Variants in WDR27 observed in about 807,000 individuals in gnomAD.
WDR27 encodes the protein WD repeat domain 27, also known as WD repeat-containing protein 27.
WDR27 carries 100 observed loss-of-function variants against 114.4 expected under a neutral mutation model. The ratio of observed to expected loss-of-function variants is 0.87; its 90% CI spans 0.74 to 1.03. WDR27 has a LOEUF of 1.03. Ranked by LOEUF, WDR27 falls within the 50% of genes least tolerant of loss-of-function variation. The pLI is 0.00. For synonymous variants in WDR27, 449 were observed against 423.1 expected, an observed-to-expected ratio of 1.06 and a Z score of -0.75; for missense variants, 1,129 against 1,092.9, an observed-to-expected ratio of 1.03 and a Z score of -0.47.
intron 25 of WDR27, among the ~76,000 whole-genome samples, chr6:169,509,831 C>T (rs1412637737): frequency 6.6e-6 from 1 of 152,120 alleles, no homozygotes; most frequent in South Asian, 2.1e-4. Flanking sequence ...ACCACCATCA[C>T]AGTGAACAGG....
Position 169,678,262 on chromosome 6 carries a change from A to T in WDR27, c.190-5866T>A, listed in dbSNP as rs571434732. On this transcript the variant is annotated intron_variant, in intron 2 of 25. Transcript: ENST00000448612. Reference sequence around the variant, plus strand: ...AAAGCCACAGGGACAGAGCTGCCCCAGGCCTTGGGAGTCCACCCCTTGTAC... The same window carrying T: ...AAAGCCACAGGGACAGAGCTGCCCCTGGCCTTGGGAGTCCACCCCTTGTAC... 9.8e-5 allele frequency among the ~76,000 whole-genome samples: 15 copies of T among 152,342 alleles called. 1 individual carries two copies. In the South Asian group the frequency reaches 2.9e-3, roughly 29 times the overall value.
chr6:169,639,557 T>C (rs1047052204), intron 17 of WDR27, among the ~76,000 whole-genome samples: 1 of 152,170 alleles, frequency 6.6e-6, no homozygotes, highest in African/African-American at 2.4e-5. Flanking sequence ...AAACTCACAA[T>C]GGCTGCTTGG....
At chr6:169,543,551 A>G (rs1052680521) in intron 25 of WDR27, among the ~76,000 whole-genome samples, 1 of 152,176 alleles carries the variant, frequency 6.6e-6, no homozygotes, top group African/African-American at 2.4e-5. Flanking sequence ...AACATAACTT[A>G]TTTTATAAGG....
chr6:169,521,225 T>C (rs1316870062), intron 25 of WDR27, among the ~76,000 whole-genome samples: 2 of 151,586 alleles, frequency 1.3e-5, no homozygotes, highest in African/African-American at 2.4e-5. Context: ...CAGGAGTGAG[T>C]AGGATGACAT....
intron 25 of WDR27, among the ~76,000 whole-genome samples, chr6:169,494,222 G>A (rs569509319): frequency 9.9e-5 from 15 of 152,204 alleles, no homozygotes; most frequent in Middle Eastern, 3.4e-3. Context: ...AGCAGATGCC[G>A]TCCCTAATGG....
rs751295725 is a variant in WDR27, at chr6:169,582,949, G to A, written c.2425-15C>T. ...TACACGTAAGCCTACAAGACAAGATGAGCAGGTGTGCCATGTTAACTCAGA... is the reference window on the plus strand; with the variant it reads ...TACACGTAAGCCTACAAGACAAGATAAGCAGGTGTGCCATGTTAACTCAGA... On this transcript the variant is annotated splice_polypyrimidine_tract_variant and intron_variant, in intron 23 of 25. Coordinates refer to ENST00000448612, the MANE Select transcript of WDR27 (RefSeq NM_182552.5). The A allele has an allele frequency of 3.1e-6, 5 of 1,611,846 alleles. No individual in the cohort carries two copies. Among genetic ancestry groups the A allele is most frequent in the South Asian group, 2.2e-5 (2 of 90,728 alleles).
intron 23 of WDR27, among the ~76,000 whole-genome samples, chr6:169,592,661 A>G (rs181557950): frequency 6.6e-6 from 1 of 152,228 alleles, no homozygotes; most frequent in East Asian, 1.9e-4. Flanking sequence ...TTCAGTGGTA[A>G]TATCTGTTAA....
At chr6:169,603,518 C>A (rs1319875874) in intron 22 of WDR27, among the ~76,000 whole-genome samples, 1 of 152,220 alleles carries the variant, frequency 6.6e-6, no homozygotes, top group Admixed American at 6.5e-5. Context: ...ATTTTCTCTG[C>A]ATATGCAAAG....
rs1412375260 is a variant in WDR27, at chr6:169,607,428, A to ACAC, written c.2322-5108_2322-5107insGTG. Among the ~76,000 whole-genome samples, 178 of 22,884 alleles carry ACAC rather than the reference A, an allele frequency of 7.8e-3. 1 individual carries two copies. The highest frequency in any genetic ancestry group is 0.018 in the African/African-American group (170 of 9,218). The allele number at this position is 22,884 out of a possible 152,430, so 15.0% of individuals were successfully genotyped here. On this transcript the variant is annotated intron_variant, in intron 22 of 25. Transcript: ENST00000448612. ...CACACACACACACACACACACATAT[A>ACAC]ATATAATATTATTCAGCCATGAAAA...
chr6:169,654,190 A>T (rs1268849086), intron 13 of WDR27, among the ~76,000 whole-genome samples: 1 of 152,258 alleles, frequency 6.6e-6, no homozygotes, highest in Non-Finnish European at 1.5e-5. Flanking sequence ...AAGAGTATAC[A>T]TCATGGGATT....
intron 23 of WDR27, among the ~76,000 whole-genome samples, chr6:169,583,594 CA>C (rs1803987410): frequency 6.7e-6 from 1 of 149,296 alleles, no homozygotes. Context: ...ATTTTGGAGA[CA>C]AAATCTGTTA....
intron 25 of WDR27, among the ~76,000 whole-genome samples, chr6:169,561,849 G>A (rs1464787094): frequency 6.6e-6 from 1 of 152,002 alleles, no homozygotes; most frequent in Non-Finnish European, 1.5e-5. Context: ...GACCCAAATA[G>A]GTTTAAACAA....
intron 23 of WDR27, among the ~76,000 whole-genome samples, chr6:169,587,462 A>G (rs6933650): frequency 0.94 from 142,533 of 151,902 alleles, 66,951 homozygotes; most frequent in East Asian, 0.99. Context: ...CAGGTGATCC[A>G]CCCGCCTTGG....
At chr6:169,690,795 C>G (rs548952586) in intron 1 of WDR27, among the ~76,000 whole-genome samples, 1 of 152,166 alleles carries the variant, frequency 6.6e-6, no homozygotes, top group African/African-American at 2.4e-5. Flanking sequence ...AAGGTGTGAC[C>G]GTTCAGTACC....
intron 3 of WDR27, 52 bp downstream of exon 3, chr6:169,672,203 T>G: frequency 3.0e-5 from 48 of 1,581,054 alleles, no homozygotes; most frequent in Non-Finnish European, 3.5e-5. Flanking sequence ...TACTGAAGGA[T>G]GAGTTATTCC....
chr6:169,605,834 G>C (rs952696535), intron 22 of WDR27, among the ~76,000 whole-genome samples: 1 of 151,954 alleles, frequency 6.6e-6, no homozygotes, highest in Admixed American at 6.6e-5. Context: ...ATCTTTGAAA[G>C]CTGACAAAAT....
chr6:169,452,965 G>C (rs1334594215), downstream of WDR27, among the ~76,000 whole-genome samples: 1 of 152,172 alleles, frequency 6.6e-6, no homozygotes, highest in Non-Finnish European at 1.5e-5. Context: ...CGTGCAGTCA[G>C]CTTCCCCGGC....
In WDR27 at chr6:169,645,034, AAT is replaced by A. The variant is rs1562796492; in HGVS notation, c.1658-1250_1658-1249del. Among the ~76,000 whole-genome samples the A allele has an allele frequency of 9.1e-3, 550 of 60,570 alleles. 42 individuals are homozygous for A. The highest frequency in any genetic ancestry group is 0.062 in the African/African-American group (522 of 8,352). The allele number at this position is 60,570 out of a possible 152,430, so 39.7% of individuals were successfully genotyped here. A position where few individuals can be genotyped will look rare whatever the true frequency, so the allele number is the denominator to read the frequency against. On this transcript the variant is annotated intron_variant, in intron 16 of 25. Transcript: ENST00000448612. Reference sequence around the variant, plus strand: ...AAAAAAAAAAAAAATAAAAAAAAAAAATAAAAAAAAAAAAAAAAAAAAAAGAA... The same window carrying A: ...AAAAAAAAAAAAAATAAAAAAAAAAAAAAAAAAAAAAAAAAAAAAAAAGAA...
chr6:169,566,860 C>G (rs796165269), intron 25 of WDR27, among the ~76,000 whole-genome samples: 9 of 152,328 alleles, frequency 5.9e-5, no homozygotes, highest in African/African-American at 2.2e-4. Context: ...GCATTTGAGA[C>G]AGTGGATAAC....
Sources: allele counts gnomAD v4.1 joint callset (sites outside exome capture counted in the v4.1 genomes callset), GRCh38; gene constraint gnomAD v4.1.1; transcripts MANE v1.5; gene names NCBI Gene and HGNC (gene_info 2026-07-23, HGNC 2026-07-21).